Variants in GALNT8 observed in about 807,000 individuals in gnomAD.
GALNT8 encodes the protein polypeptide N-acetylgalactosaminyltransferase 8.
GALNT8 carries 66 observed loss-of-function variants against 62.7 expected under a neutral mutation model. The observed-to-expected ratio is 1.05, with a 90% CI of 0.86 to 1.29. The LOEUF (loss-of-function observed/expected upper bound fraction) is 1.29, where lower values mean the gene tolerates loss of function less well. GALNT8 is among the 50% of genes most tolerant of loss of function. GALNT8 has a pLI of 0.00. For missense variants in GALNT8, 771 were observed against 791.8 expected, an observed-to-expected ratio of 0.97 and a Z score of 0.32; for synonymous variants, 288 against 294.3, an observed-to-expected ratio of 0.98 and a Z score of 0.22.
rs1319568282 is a variant in GALNT8 at position 4,726,530 on chromosome 12, A to G, written c.212-2A>G. 5 of 1,606,380 alleles carry G rather than the reference A, an allele frequency of 3.1e-6. No individual in the cohort carries two copies. Among genetic ancestry groups the G allele is most frequent in the African/African-American group, 1.3e-5 (1 of 74,580 alleles). On this transcript the variant is annotated splice_acceptor_variant, in intron 1 of 10. Transcript: ENST00000252318. LOFTEE classifies it high-confidence loss of function. The surrounding 1 kb of genome is among the most constrained non-coding windows in gnomAD (Gnocchi z 4.1). ...TCCCACCCCTGTCCTCTTCATTTGC[A>G]GAAGAAAGTATGAAATTAGCTCTGA...
In GALNT8 at chr12:4,761,104, C is replaced by G. The variant is rs777851092; in HGVS notation, c.1320C>G (p.His440Gln). The G allele has an allele frequency of 6.2e-6, 10 of 1,614,048 alleles. No individual in the cohort carries two copies. Among genetic ancestry groups the G allele is most frequent in the Non-Finnish European group, 7.6e-6 (9 of 1,180,000 alleles). The part of the protein sequence containing the change: ...LRVAEIWMDE[H>Q]KHMVYLAWNI... Reference sequence around the variant, plus strand: ...TGGCCGAAATCTGGATGGATGAGCACAAACACATGGTCTACTTGGCCTGGA... The same window carrying G: ...TGGCCGAAATCTGGATGGATGAGCAGAAACACATGGTCTACTTGGCCTGGA... Residue 440 changes from histidine (H) to glutamine (Q), a missense_variant, in exon 7 of 11, where the codon CAC becomes CAG. Physicochemically the swap from His to Gln is conservative, Grantham distance 24. Transcript: ENST00000252318.
At chr12:4,768,870 T>A (rs1946411060) in intron 10 of GALNT8, among the ~76,000 whole-genome samples, 1 of 152,192 alleles carries the variant, frequency 6.6e-6, no homozygotes, top group South Asian at 2.1e-4. Context: ...ACAAATTAAT[T>A]TACTAAAAAG....
At position 4,720,916 on chromosome 12, in the gene GALNT8, TGTGTGTGTGG is replaced by T. The variant is rs756172391; in HGVS notation, c.211+38_211+47del. ...AAGTTTACAATGCTAACCTGGAAGG[TGTGTGTGTGG>T]GTGTGTGTGTTTGGGGCACTTAGGA... is the stretch of plus-strand genomic sequence containing the variant. On this transcript the variant is annotated intron_variant, in intron 1 of 10. Transcript: ENST00000252318. 5.7e-5 allele frequency: 77 copies of T among 1,350,956 alleles called. 1 individual carries two copies. The highest frequency in any genetic ancestry group is 3.0e-4 in the Admixed American group (18 of 59,556). The allele number at this position is 1,350,956 out of a possible 1,614,324, so 83.7% of individuals were successfully genotyped here.
intron 8 of GALNT8, 147 bp from the exon 9 acceptor site, chr12:4,763,805 T>TG: frequency 1.6e-6 from 1 of 635,358 alleles, no homozygotes; most frequent in East Asian, 2.7e-5. Context: ...GCTTAGAAAA[T>TG]GCCTGCCGGG....
intron 1 of GALNT8, among the ~76,000 whole-genome samples, chr12:4,724,279 G>T (rs1946184836): frequency 6.6e-6 from 1 of 151,674 alleles, no homozygotes; most frequent in African/African-American, 2.4e-5. Context: ...ATGACTCTAA[G>T]CCAGTTTTCT....
chr12:4,724,393 G>C (rs549786947), intron 1 of GALNT8, among the ~76,000 whole-genome samples: 47 of 152,134 alleles, frequency 3.1e-4, no homozygotes, highest in Non-Finnish European at 5.9e-4. Context: ...GGATAACCTA[G>C]TGACACTGTA....
At chr12:4,720,921 G>T (rs1290579363) in intron 1 of GALNT8, 33 bp downstream of exon 1, 1 of 1,288,762 alleles carries the variant, frequency 7.8e-7, no homozygotes, top group Non-Finnish European at 1.1e-6. Context: ...GAAGGTGTGT[G>T]TGTGGGTGTG....
In GALNT8 at chr12:4,746,185, TC is replaced by T; in HGVS notation, c.1102del (p.Leu368TrpfsTer23). The T allele has an allele frequency of 6.2e-7, 1 of 1,613,530 alleles. No individual in the cohort carries two copies. The highest frequency in any genetic ancestry group is 8.5e-7 in the Non-Finnish European group (1 of 1,179,442). ...IMGILAANRH[F>X]LGEIGSLDGG... ...GGCATCCTGGCTGCTAACAGGCACT[TC>T]CTGGGAGAGATCGGGTCTCTGGATG... On this transcript the variant is annotated frameshift_variant, in exon 6 of 11. Transcript: ENST00000252318. LOFTEE classifies it high-confidence loss of function.
Position 4,726,682 on chromosome 12 carries a change from A to C in GALNT8, c.362A>C (p.His121Pro). 3.1e-6 allele frequency: 5 copies of C among 1,613,948 alleles called. No individual in the cohort carries two copies. The highest frequency in any genetic ancestry group is 4.2e-6 in the Non-Finnish European group (5 of 1,179,990). Residue 121 changes from histidine to proline, a missense_variant, in exon 2 of 11, where the codon CAC becomes CCC. Transcript: ENST00000252318. The surrounding 1 kb of genome is among the most constrained non-coding windows in gnomAD (Gnocchi z 4.1). ...AAAACCCAAATGAAACTCTTCCCAC[A>C]CTCACAGCTTTTCAGGCAATGGGGC... Reference protein sequence around the residue: ...KHKTQMKLFPHSQLFRQWGED... With the variant: ...KHKTQMKLFPPSQLFRQWGED...
intron 6 of GALNT8, among the ~76,000 whole-genome samples, chr12:4,758,631 T>TGAGA (rs1946356311): frequency 4.3e-5 from 4 of 93,004 alleles, no homozygotes; most frequent in South Asian, 3.0e-4. Context: ...TGTGTGTGTG[T>TGAGA]GTGTGTGAGA....
chr12:4,755,283 G>C (rs1946339693), intron 6 of GALNT8, among the ~76,000 whole-genome samples: 1 of 152,252 alleles, frequency 6.6e-6, no homozygotes, highest in South Asian at 2.1e-4. Context: ...TCTGGGATCA[G>C]TGATTTCCCT....
At chr12:4,750,713 GGT>G (rs1234633751) in intron 6 of GALNT8, among the ~76,000 whole-genome samples, 1 of 150,230 alleles carries the variant, frequency 6.7e-6, no homozygotes, top group African/African-American at 2.5e-5. Context: ...TGGGTTGAAT[GGT>G]ATCTCTGTCT....
chr12:4,772,321 A>G (rs1946428212), intron 10 of GALNT8, 124 bp from the exon 11 acceptor site: 2 of 784,290 alleles, frequency 2.6e-6, no homozygotes, highest in Non-Finnish European at 4.2e-6. Context: ...TCCCTGGATG[A>G]CTTGTGGAGC....
intron 6 of GALNT8, among the ~76,000 whole-genome samples, chr12:4,753,708 T>A (rs1000846543): frequency 6.6e-6 from 1 of 152,218 alleles, no homozygotes; most frequent in African/African-American, 2.4e-5. Context: ...TTTTCCTGAA[T>A]TATCTTGATA....
At chr12:4,735,672 A>G (rs1946241379) in intron 2 of GALNT8, among the ~76,000 whole-genome samples, 1 of 152,136 alleles carries the variant, frequency 6.6e-6, no homozygotes, top group African/African-American at 2.4e-5. Context: ...CCCCTTCTCC[A>G]ACTTGCTGTC....
chr12:4,728,565 T>G (rs1946206644), intron 2 of GALNT8, among the ~76,000 whole-genome samples: 1 of 152,144 alleles, frequency 6.6e-6, no homozygotes, highest in Admixed American at 6.5e-5. Flanking sequence ...TCCAACTTCA[T>G]TATTTTATGT....
chr12:4,742,019 A>G (rs1378197556), intron 3 of GALNT8, among the ~76,000 whole-genome samples: 1 of 152,208 alleles, frequency 6.6e-6, no homozygotes, highest in Non-Finnish European at 1.5e-5. Flanking sequence ...GAAACTCACT[A>G]TCCATGTGAA....
At chr12:4,731,313 T>C (rs1946221206) in intron 2 of GALNT8, among the ~76,000 whole-genome samples, 2 of 152,204 alleles carry the variant, frequency 1.3e-5, no homozygotes, top group Admixed American at 1.3e-4. Flanking sequence ...TGTCAGTGTA[T>C]AGTAAGGCTA....
At chr12:4,757,798 ACTGT>A (rs1946351871) in intron 6 of GALNT8, among the ~76,000 whole-genome samples, 1 of 152,194 alleles carries the variant, frequency 6.6e-6, no homozygotes, top group Non-Finnish European at 1.5e-5. Flanking sequence ...GAGTACAGGT[ACTGT>A]CTAACACAAA....
Sources: gnomAD v4.1 joint callset for allele counts (sites outside exome capture counted in the v4.1 genomes callset) on GRCh38, gnomAD v4.1.1 for gene constraint, Gnocchi (gnomAD v3.1) non-coding constraint, MANE v1.5 for transcripts, NCBI Gene and HGNC (gene_info 2026-07-23, HGNC 2026-07-21) for gene names.